Variants in MGMT observed in about 807,000 individuals in gnomAD.
The protein encoded by MGMT is methylated-DNA--protein-cysteine methyltransferase.
MGMT carries 14 observed loss-of-function variants against 15.9 expected under a neutral mutation model. That is an observed-to-expected ratio of 0.88 (90% CI 0.58 to 1.37). MGMT has a LOEUF of 1.37. Ranked by LOEUF, MGMT falls within the 40% of genes most tolerant of loss-of-function variation. MGMT has a pLI of 0.00. For synonymous variants in MGMT, 130 were observed against 118.2 expected, an observed-to-expected ratio of 1.10 and a Z score of -0.65; for missense variants, 282 against 268.1, an observed-to-expected ratio of 1.05 and a Z score of -0.36.
chr10:129,612,423 A>T (rs2133069119), intron 2 of MGMT, among the ~76,000 whole-genome samples: 1 of 152,348 alleles, frequency 6.6e-6, no homozygotes, highest in South Asian at 2.1e-4. Context: ...CTGGCTGCGG[A>T]GGAAGTCCAT....
At chr10:129,661,579 GTTTC>G (rs1400045997) in intron 2 of MGMT, among the ~76,000 whole-genome samples, 2 of 151,804 alleles carry the variant, frequency 1.3e-5, no homozygotes, top group Non-Finnish European at 2.9e-5. Flanking sequence ...TTTTTCGATT[GTTTC>G]TTTTAGTAAC....
At chr10:129,551,724 G>A (rs1230438261) in intron 2 of MGMT, among the ~76,000 whole-genome samples, 3 of 152,142 alleles carry the variant, frequency 2.0e-5, no homozygotes, top group Non-Finnish European at 2.9e-5. Flanking sequence ...CCCCACCACT[G>A]GGTGCAGTGA....
At chr10:129,610,054 A>C (rs567559644) in intron 2 of MGMT, among the ~76,000 whole-genome samples, 1 of 152,192 alleles carries the variant, frequency 6.6e-6, no homozygotes, top group Non-Finnish European at 1.5e-5. Flanking sequence ...ATTTTGATAT[A>C]TGGTAAACTA....
chr10:129,527,174 A>G (rs1050177050), intron 1 of MGMT, among the ~76,000 whole-genome samples: 23 of 152,176 alleles, frequency 1.5e-4, no homozygotes, highest in Admixed American at 1.2e-3. Flanking sequence ...GTCCCTGTGC[A>G]AGCCTGAGAG....
intron 1 of MGMT, among the ~76,000 whole-genome samples, chr10:129,495,074 G>A (rs567115406): frequency 6.6e-6 from 1 of 152,320 alleles, no homozygotes; most frequent in Admixed American, 6.5e-5. Flanking sequence ...CCGACCCCAT[G>A]CACACATTCT....
At chr10:129,650,448 C>A (rs1438983602) in intron 2 of MGMT, among the ~76,000 whole-genome samples, 2 of 152,212 alleles carry the variant, frequency 1.3e-5, no homozygotes, top group Non-Finnish European at 2.9e-5. Context: ...AAAGAGCCAG[C>A]TCCTGGTGGA....
At chr10:129,577,493 C>G (rs1447233714) in intron 2 of MGMT, among the ~76,000 whole-genome samples, 1 of 152,128 alleles carries the variant, frequency 6.6e-6, no homozygotes, top group African/African-American at 2.4e-5. Context: ...ATGTAGAAAG[C>G]TGAAACTGGA....
At chr10:129,571,104 CAA>C (rs1330283589) in intron 2 of MGMT, among the ~76,000 whole-genome samples, 1 of 152,176 alleles carries the variant, frequency 6.6e-6, no homozygotes, top group Non-Finnish European at 1.5e-5. Flanking sequence ...ACACACCACA[CAA>C]AGTTTCTTCT....
chr10:129,493,601 C>T (rs1845491465), intron 1 of MGMT, among the ~76,000 whole-genome samples: 2 of 151,998 alleles, frequency 1.3e-5, no homozygotes, highest in African/African-American at 4.8e-5. Context: ...TAAAATAGAT[C>T]CTTAGATATG....
intron 2 of MGMT, among the ~76,000 whole-genome samples, chr10:129,671,133 TA>T (rs1847717388): frequency 6.6e-6 from 1 of 152,184 alleles, no homozygotes; most frequent in South Asian, 2.1e-4. Context: ...ACACACCCAT[TA>T]GTAAAAATCG....
chr10:129,521,083 G>A (rs921058359), intron 1 of MGMT, among the ~76,000 whole-genome samples: 14 of 152,158 alleles, frequency 9.2e-5, no homozygotes, highest in Admixed American at 8.5e-4. Flanking sequence ...AGCCTGACTG[G>A]GCATGGCCCT....
intron 2 of MGMT, among the ~76,000 whole-genome samples, chr10:129,671,445 A>G (rs1847722080): frequency 6.6e-6 from 1 of 151,430 alleles, no homozygotes; most frequent in Non-Finnish European, 1.5e-5. Context: ...TTTTTTTGGT[A>G]AATAAGTATT....
chr10:129,601,742 G>T (rs1474133245), intron 2 of MGMT, among the ~76,000 whole-genome samples: 3 of 152,200 alleles, frequency 2.0e-5, no homozygotes, highest in African/African-American at 7.2e-5. Flanking sequence ...TCCTTGGGGA[G>T]ACCGTCAGGG....
At chr10:129,608,982 G>A (rs879706078) in intron 2 of MGMT, among the ~76,000 whole-genome samples, 2 of 152,226 alleles carry the variant, frequency 1.3e-5, no homozygotes, top group Non-Finnish European at 2.9e-5. Context: ...TCCCTGTCGG[G>A]GCCTGCTCTC....
At chr10:129,749,346 T>G (rs930338737) in intron 3 of MGMT, among the ~76,000 whole-genome samples, 1 of 152,164 alleles carries the variant, frequency 6.6e-6, no homozygotes, top group Non-Finnish European at 1.5e-5. Flanking sequence ...GTCTATATAG[T>G]TTTGCTTCTT....
chr10:129,594,062 T>G (rs1019809326), intron 2 of MGMT, among the ~76,000 whole-genome samples: 7 of 152,308 alleles, frequency 4.6e-5, no homozygotes, highest in Admixed American at 6.5e-5. Flanking sequence ...AGTCCCTGTT[T>G]ATGCGAGGCC....
chr10:129,643,970 C>G (rs1414154074), intron 2 of MGMT, among the ~76,000 whole-genome samples: 1 of 152,068 alleles, frequency 6.6e-6, no homozygotes, highest in African/African-American at 2.4e-5. Flanking sequence ...AGCTTGAGCA[C>G]TTGGTTTCAC....
chr10:129,629,316 C>G (rs753770646), intron 2 of MGMT, among the ~76,000 whole-genome samples: 27 of 152,234 alleles, frequency 1.8e-4, no homozygotes, highest in Non-Finnish European at 2.6e-4. Flanking sequence ...TGCGATATCT[C>G]TGTACTAGAA....
At chr10:129,506,751 T>C (rs1556658) in intron 1 of MGMT, among the ~76,000 whole-genome samples, 10,466 of 127,160 alleles carry the variant, frequency 0.082, 1,206 homozygotes, top group African/African-American at 0.29. Flanking sequence ...TCTGCCTTTG[T>C]ACACTCTGTT....
Sources: allele counts gnomAD v4.1 joint callset (sites outside exome capture counted in the v4.1 genomes callset), GRCh38; gene constraint gnomAD v4.1.1; transcripts MANE v1.5; gene names NCBI Gene and HGNC (gene_info 2026-07-23, HGNC 2026-07-21).